The following GALNT17 variants were observed in gnomAD, a reference collection of about 807,000 sequenced individuals.
The protein encoded by GALNT17 is UDP-GalNAc:polypeptide N-acetylgalactosaminyltransferase-like 3.
GALNT17 carries 29 observed loss-of-function variants against 63.7 expected under a neutral mutation model. The observed-to-expected ratio is 0.46, with a 90% CI of 0.34 to 0.62. The LOEUF is 0.62. GALNT17 is among the 20% of genes least tolerant of loss of function. GALNT17 has a pLI of 0.01. For synonymous variants in GALNT17, 305 were observed against 318.3 expected (o/e 0.96, Z 0.45); for missense variants, 603 against 799.6 (o/e 0.75, Z 2.97).
In GALNT17 at chr7:71,653,746, G is replaced by A. The variant is rs116518354; in HGVS notation, c.1081-11665G>A. Among the ~76,000 whole-genome samples the A allele has an allele frequency of 5.5e-3, 845 of 152,260 alleles. 7 individuals are homozygous for A. Among genetic ancestry groups the A allele is most frequent in the African/African-American group, 0.02 (824 of 41,556 alleles). On this transcript the variant is annotated intron_variant, in intron 6 of 10. Transcript: ENST00000333538. ...CTTGAAGCAGGGCCCAAAGGTCTAA[G>A]GTGGAGTCAAAGATTTTCTGATTTG...
chr7:71,352,173 C>T (rs761381095), intron 2 of GALNT17, among the ~76,000 whole-genome samples: 6 of 152,052 alleles, frequency 3.9e-5, no homozygotes, highest in Admixed American at 1.3e-4. Flanking sequence ...AAGATCTGAT[C>T]GTTTTATAAG....
chr7:71,322,474 A>T (rs1036166290), intron 1 of GALNT17, among the ~76,000 whole-genome samples: 2 of 152,200 alleles, frequency 1.3e-5, no homozygotes, highest in Non-Finnish European at 2.9e-5. Context: ...CTACATGAGC[A>T]GTTCAGTTAA....
chr7:71,612,451 G>C (rs540016255), intron 6 of GALNT17, among the ~76,000 whole-genome samples: 14 of 152,306 alleles, frequency 9.2e-5, no homozygotes, highest in African/African-American at 2.6e-4. Flanking sequence ...TCGTGCATTG[G>C]GTCGAAATTA....
intron 1 of GALNT17, among the ~76,000 whole-genome samples, chr7:71,212,548 T>C (rs1405865600): frequency 1.3e-5 from 2 of 152,022 alleles, no homozygotes; most frequent in African/African-American, 4.8e-5. Flanking sequence ...GAATGATAGA[T>C]CCACTGACAG....
intron 2 of GALNT17, among the ~76,000 whole-genome samples, chr7:71,364,122 G>A (rs972148866): frequency 2.0e-5 from 3 of 152,060 alleles, no homozygotes; most frequent in African/African-American, 7.2e-5. Flanking sequence ...AGTATATACA[G>A]CACCCTATTT....
intron 5 of GALNT17, among the ~76,000 whole-genome samples, chr7:71,495,312 G>A (rs76356499): frequency 0.021 from 3,254 of 151,998 alleles, 40 homozygotes; most frequent in Middle Eastern, 0.038. Flanking sequence ...GTTTGGGTGG[G>A]GACACAGCCA....
At chr7:71,469,407 G>A (rs1340173084) in intron 5 of GALNT17, among the ~76,000 whole-genome samples, 2 of 152,206 alleles carry the variant, frequency 1.3e-5, no homozygotes, top group African/African-American at 4.8e-5. Context: ...ATTACACAGA[G>A]TTTAACTGAG....
intron 1 of GALNT17, among the ~76,000 whole-genome samples, chr7:71,160,760 C>T (rs1445089607): frequency 6.6e-6 from 1 of 152,092 alleles, no homozygotes; most frequent in Non-Finnish European, 1.5e-5. Flanking sequence ...CGCACGGCCA[C>T]GAACATCTTT....
intron 2 of GALNT17, among the ~76,000 whole-genome samples, chr7:71,381,328 G>A (rs1020826492): frequency 2.6e-5 from 4 of 152,146 alleles, no homozygotes; most frequent in Non-Finnish European, 1.5e-5. Context: ...CAGACCTGTG[G>A]ACCACATGTG....
intron 5 of GALNT17, among the ~76,000 whole-genome samples, chr7:71,484,195 A>T (rs915347420): frequency 1.3e-5 from 2 of 152,208 alleles, no homozygotes; most frequent in Non-Finnish European, 2.9e-5. Flanking sequence ...ATTGTCAAGT[A>T]TTATATACCG....
rs1791819570 is a variant in GALNT17 at position 71,713,119 on chromosome 7, G to C, written c.*973G>C. The C allele has an allele frequency of 6.6e-6, 1 of 152,578 alleles. No homozygotes were observed. The highest frequency in any genetic ancestry group is 1.5e-5 in the Non-Finnish European group (1 of 68,020). The allele number at this position is 152,578 out of a possible 1,614,324, so 9.5% of individuals were successfully genotyped here. ...TCTCTGAAGAGTATTTTTTTCGATTGCCCTCTGGTTAGGGTGCACATATAA... is the reference window on the plus strand; with the variant it reads ...TCTCTGAAGAGTATTTTTTTCGATTCCCCTCTGGTTAGGGTGCACATATAA... On this transcript the variant is annotated 3_prime_UTR_variant, in exon 11 of 11. Coordinates refer to ENST00000333538, the MANE Select transcript of GALNT17 (RefSeq NM_022479.3).
intron 5 of GALNT17, among the ~76,000 whole-genome samples, chr7:71,422,710 T>G (rs778106165): frequency 2.6e-5 from 4 of 152,228 alleles, no homozygotes; most frequent in Admixed American, 2.6e-4. Context: ...CTTTCATCTT[T>G]GCCATCTGCA....
chr7:71,422,213 G>A (rs1009514647), intron 5 of GALNT17, among the ~76,000 whole-genome samples: 5 of 152,122 alleles, frequency 3.3e-5, no homozygotes, highest in Non-Finnish European at 5.9e-5. Context: ...GCCTTTTCCA[G>A]CTTCCAGAAG....
chr7:71,378,840 A>G (rs192462610), intron 2 of GALNT17, among the ~76,000 whole-genome samples: 223 of 151,948 alleles, frequency 1.5e-3, no homozygotes, highest in Non-Finnish European at 2.3e-3. Context: ...ATAAATAAAT[A>G]AATAAAAATA....
chr7:71,425,249 A>T (rs1786737042), intron 5 of GALNT17, among the ~76,000 whole-genome samples: 2 of 151,914 alleles, frequency 1.3e-5, no homozygotes, highest in South Asian at 4.2e-4. Flanking sequence ...TTTGAGACAA[A>T]GTCTAGCTCT....
chr7:71,146,047 A>G (rs1003614618), intron 1 of GALNT17, among the ~76,000 whole-genome samples: 12 of 151,344 alleles, frequency 7.9e-5, no homozygotes, highest in African/African-American at 2.7e-4. Context: ...ATCCCTTTCC[A>G]TTTTCTATAC....
At chr7:71,506,735 A>G (rs1788275847) in intron 5 of GALNT17, among the ~76,000 whole-genome samples, 1 of 152,136 alleles carries the variant, frequency 6.6e-6, no homozygotes, top group African/African-American at 2.4e-5. Flanking sequence ...TTTGTGTTGT[A>G]CTGGTACATG....
At chr7:71,141,200 C>T (rs1293176847) in intron 1 of GALNT17, among the ~76,000 whole-genome samples, 1 of 151,894 alleles carries the variant, frequency 6.6e-6, no homozygotes, top group African/African-American at 2.4e-5. Flanking sequence ...AACCCCATCT[C>T]TACTAAAAAT....
chr7:71,658,404 T>C (rs1320835694), intron 6 of GALNT17, among the ~76,000 whole-genome samples: 1 of 152,150 alleles, frequency 6.6e-6, no homozygotes, highest in East Asian at 1.9e-4. Flanking sequence ...GCCTAAGACT[T>C]CCCAGACCCC....
Sources: gnomAD v4.1 joint callset for allele counts (sites outside exome capture counted in the v4.1 genomes callset) on GRCh38, gnomAD v4.1.1 for gene constraint, MANE v1.5 for transcripts, NCBI Gene and HGNC (gene_info 2026-07-23, HGNC 2026-07-21) for gene names.